The following GRIK2 variants were observed in gnomAD, a reference collection of about 807,000 sequenced individuals.
GRIK2 encodes the protein glutamate receptor ionotropic, kainate 2.
In GRIK2, 32 loss-of-function variants were observed where a neutral mutation model predicts 100.3. That is an observed-to-expected ratio of 0.32 (90% CI 0.24 to 0.43). GRIK2 has a LOEUF of 0.43. Ranked by LOEUF, GRIK2 falls within the 20% of genes least tolerant of loss-of-function variation. GRIK2 has a pLI of 1.00. For synonymous variants in GRIK2, 417 were observed against 389.4 expected, an observed-to-expected ratio of 1.07 and a Z score of -0.83; for missense variants, 843 against 1,114.9, an observed-to-expected ratio of 0.76 and a Z score of 3.47.
intron 4 of GRIK2, among the ~76,000 whole-genome samples, chr6:101,645,956 G>T (rs1781507704): frequency 6.6e-6 from 1 of 151,662 alleles, no homozygotes; most frequent in Non-Finnish European, 1.5e-5. Flanking sequence ...TACATTTTTG[G>T]TGATAAATTC....
chr6:101,698,015 T>C (rs9498671), intron 7 of GRIK2, among the ~76,000 whole-genome samples: 113,049 of 151,992 alleles, frequency 0.74, 44,160 homozygotes, highest in South Asian at 0.89. Flanking sequence ...TGATCCCTGT[T>C]TATACAAAAG....
At chr6:101,804,839 C>T (rs952176425) in intron 9 of GRIK2, among the ~76,000 whole-genome samples, 3 of 151,794 alleles carry the variant, frequency 2.0e-5, no homozygotes, top group Non-Finnish European at 4.4e-5. Context: ...AAAGTTTAGT[C>T]GGTTCTTAAG....
chr6:101,715,325 A>G lies in GRIK2; in HGVS notation c.951+28972A>G, dbSNP rs376231793. Among the ~76,000 whole-genome samples, 4 of 151,902 alleles carry G rather than the reference A, an allele frequency of 2.6e-5. 1 individual carries two copies. On this transcript the variant is annotated intron_variant, in intron 7 of 16. Coordinates refer to ENST00000369134, the MANE Select transcript of GRIK2 (RefSeq NM_021956.5). ...TGCTAAGTGCTTACCTAGATACAGG[A>G]CATGATAGGGACAGATCCCCCACCT...
In GRIK2 at chr6:101,690,361, C is replaced by A. The variant is rs184052749; in HGVS notation, c.951+4008C>A. On this transcript the variant is annotated intron_variant, in intron 7 of 16. Coordinates refer to ENST00000369134, the MANE Select transcript of GRIK2 (RefSeq NM_021956.5). Reference sequence around the variant, plus strand: ...GATATTACTGTTTTAGAAGTTTAAACCCTGGACACCAACCGCTATCTCCAT... The same window carrying A: ...GATATTACTGTTTTAGAAGTTTAAAACCTGGACACCAACCGCTATCTCCAT... Among the ~76,000 whole-genome samples, 20 of 152,150 alleles carry A rather than the reference C, an allele frequency of 1.3e-4. No individual in the cohort carries two copies. In the East Asian group the frequency reaches 2.3e-3, roughly 18 times the overall value.
chr6:101,682,546 TC>T lies in GRIK2; in HGVS notation c.724-5del. 2.4e-6 allele frequency: 3 copies of T among 1,242,480 alleles called. No homozygotes were observed. The highest frequency in any genetic ancestry group is 1.2e-5 in the South Asian group (1 of 80,254). 77.0% of individuals were successfully genotyped at this position (1,242,480 alleles called of 1,614,324 possible). On this transcript the variant is annotated splice_region_variant and splice_polypyrimidine_tract_variant and intron_variant, in intron 5 of 16. Coordinates refer to ENST00000369134, the MANE Select transcript of GRIK2 (RefSeq NM_021956.5). ...ATGTACCTTCAGTAATTTTTTTTTT[TC>T]CTTAGGCATTAGCTATGGGAATGAT...
chr6:101,614,056 A>G (rs1779795072), intron 2 of GRIK2, among the ~76,000 whole-genome samples: 1 of 151,738 alleles, frequency 6.6e-6, no homozygotes, highest in African/African-American at 2.4e-5. Context: ...CTGGAGGCCA[A>G]TGTGTAGTAA....
chr6:101,796,580 C>A (rs1171360827), intron 7 of GRIK2, among the ~76,000 whole-genome samples: 1 of 152,148 alleles, frequency 6.6e-6, no homozygotes. Context: ...GTACCCCAAA[C>A]TGGAGAAAAT....
chr6:101,502,817 G>C (rs1374979541), intron 2 of GRIK2, among the ~76,000 whole-genome samples: 1 of 152,066 alleles, frequency 6.6e-6, no homozygotes, highest in Non-Finnish European at 1.5e-5. Context: ...TAATCCCCTT[G>C]CCATCATTCT....
intron 12 of GRIK2, among the ~76,000 whole-genome samples, chr6:101,903,047 A>T (rs12198129): frequency 0.09 from 13,703 of 151,902 alleles, 812 homozygotes; most frequent in Middle Eastern, 0.2. Context: ...CAAGATACCC[A>T]TTGAAAGGCC....
At chr6:101,690,370 C>T (rs1414761687) in intron 7 of GRIK2, among the ~76,000 whole-genome samples, 1 of 152,036 alleles carries the variant, frequency 6.6e-6, no homozygotes, top group Non-Finnish European at 1.5e-5. Context: ...ACCCTGGACA[C>T]CAACCGCTAT....
Position 101,645,147 on chromosome 6 carries a change from G to C in GRIK2, c.541+18510G>C, listed in dbSNP as rs923516758. ...CATAATAATGGCTGTAGAAAGCCTTGATAACAGAATAAGAAGAAAAAAAAA... is the reference window on the plus strand; with the variant it reads ...CATAATAATGGCTGTAGAAAGCCTTCATAACAGAATAAGAAGAAAAAAAAA... On this transcript the variant is annotated intron_variant, in intron 4 of 16. Transcript: ENST00000369134. Among the ~76,000 whole-genome samples the C allele has an allele frequency of 2.0e-5, 3 of 147,772 alleles. No homozygotes were observed. The East Asian group carries it at 6.0e-4, about 29-fold the overall frequency.
At chr6:101,726,993 T>G (rs1436257967) in intron 7 of GRIK2, among the ~76,000 whole-genome samples, 8 of 152,086 alleles carry the variant, frequency 5.3e-5, no homozygotes, top group Non-Finnish European at 1.2e-4. Flanking sequence ...AGATATTAAT[T>G]TTTAACAATA....
intron 7 of GRIK2, among the ~76,000 whole-genome samples, chr6:101,787,249 T>A (rs1269805462): frequency 2.6e-5 from 4 of 151,912 alleles, no homozygotes; most frequent in Non-Finnish European, 4.4e-5. Context: ...CAATTTTTTT[T>A]AAAGACTTTT....
chr6:101,887,898 T>A (rs922522732), intron 11 of GRIK2, among the ~76,000 whole-genome samples: 2 of 152,158 alleles, frequency 1.3e-5, no homozygotes, highest in Non-Finnish European at 2.9e-5. Context: ...TAAAATTCAA[T>A]GTGAGATTTG....
rs576700089 is a variant in GRIK2, at chr6:101,450,591, G to A, written c.115+51199G>A. Among the ~76,000 whole-genome samples the A allele has an allele frequency of 4.6e-5, 7 of 151,750 alleles. No individual in the cohort carries two copies. In the South Asian group the frequency reaches 1.4e-3, roughly 31 times the overall value. On this transcript the variant is annotated intron_variant, in intron 2 of 16. Coordinates refer to ENST00000369134, the MANE Select transcript of GRIK2 (RefSeq NM_021956.5). ...ACACCAGAGAACATGTATTTTGCAA[G>A]TAACTGGTTCCCTTGAGTGTGGCAG...
intron 16 of GRIK2, chr6:102,065,868 G>T: frequency 6.8e-7 from 1 of 1,463,526 alleles, no homozygotes; most frequent in East Asian, 2.7e-5. Flanking sequence ...TTTCTACAGT[G>T]TTGTCATCAT....
At chr6:102,028,050 A>C (rs534999931) in intron 14 of GRIK2, among the ~76,000 whole-genome samples, 2 of 151,310 alleles carry the variant, frequency 1.3e-5, no homozygotes, top group East Asian at 3.9e-4. Flanking sequence ...TTACCCTAAA[A>C]TTTGTTAGTC....
chr6:102,041,888 G>GTCTTGTCTT (rs1770600530), intron 15 of GRIK2, among the ~76,000 whole-genome samples: 1 of 151,488 alleles, frequency 6.6e-6, no homozygotes, highest in African/African-American at 2.4e-5. Context: ...GAACTGTCTT[G>GTCTTGTCTT]TCTTTGTATG....
chr6:101,864,653 T>G (rs559006887), intron 11 of GRIK2, among the ~76,000 whole-genome samples: 1 of 152,244 alleles, frequency 6.6e-6, no homozygotes, highest in Non-Finnish European at 1.5e-5. Context: ...TTATTATTAC[T>G]ATTAAAATTA....
Sources: allele counts gnomAD v4.1 joint callset (sites outside exome capture counted in the v4.1 genomes callset), GRCh38; gene constraint gnomAD v4.1.1; transcripts MANE v1.5; gene names NCBI Gene and HGNC (gene_info 2026-07-23, HGNC 2026-07-21).